The following GRIP1 variants were observed in gnomAD, a reference collection of about 807,000 sequenced individuals.
GRIP1 encodes the protein glutamate receptor-interacting protein 1.
Under a neutral mutation model 129.9 loss-of-function variants are expected in GRIP1, and 45 were observed. That is an observed-to-expected ratio of 0.35 (90% CI 0.27 to 0.44). GRIP1 has a LOEUF of 0.44. Among genes scored for constraint, GRIP1 ranks in the 20% least tolerant of loss-of-function variants. The probability of loss-of-function intolerance (pLI) is 1.00; values close to 1 mark genes in which losing one functional copy is unlikely to be tolerated. For missense variants in GRIP1, 1,196 were observed against 1,396.8 expected, an observed-to-expected ratio of 0.86 and a Z score of 2.29; for synonymous variants, 530 against 520.8, an observed-to-expected ratio of 1.02 and a Z score of -0.24.
chr12:66,937,099 A>G (rs1334575695), intron 1 of GRIP1, among the ~76,000 whole-genome samples: 3 of 152,118 alleles, frequency 2.0e-5, no homozygotes, highest in Non-Finnish European at 4.4e-5. Flanking sequence ...TTGAAGGTAG[A>G]TTTGAGGCCT....
chr12:66,349,853 C>G (rs1480811109), intron 24 of GRIP1, among the ~76,000 whole-genome samples: 2 of 151,970 alleles, frequency 1.3e-5, no homozygotes, highest in Non-Finnish European at 2.9e-5. Flanking sequence ...AGCTTATCCC[C>G]TCTTCAGCTT....
chr12:66,914,435 C>T (rs1420101291), intron 1 of GRIP1, among the ~76,000 whole-genome samples: 2 of 152,190 alleles, frequency 1.3e-5, no homozygotes, highest in African/African-American at 4.8e-5. Context: ...TTTTCTGCTT[C>T]ATTTTGCTAA....
intron 11 of GRIP1, among the ~76,000 whole-genome samples, chr12:66,454,324 G>A (rs746240285): frequency 2.0e-5 from 3 of 152,222 alleles, no homozygotes; most frequent in Non-Finnish European, 4.4e-5. Flanking sequence ...TTTTATTTAA[G>A]TAACTTAAGG....
At chr12:66,695,031 T>G (rs1208553403) in intron 1 of GRIP1, among the ~76,000 whole-genome samples, 1 of 152,220 alleles carries the variant, frequency 6.6e-6, no homozygotes, top group Admixed American at 6.5e-5. Flanking sequence ...CTTTTTAAAA[T>G]AAGGAAGAAA....
chr12:66,807,990 T>C (rs763811363), upstream of GRIP1, among the ~76,000 whole-genome samples: 8 of 151,560 alleles, frequency 5.3e-5, no homozygotes, highest in Non-Finnish European at 1.0e-4. Context: ...TGTATTATAA[T>C]AGCTAACTGT....
chr12:66,832,506 T>G (rs2039536671), intron 1 of GRIP1, among the ~76,000 whole-genome samples: 1 of 148,684 alleles, frequency 6.7e-6, no homozygotes, highest in Non-Finnish European at 1.5e-5. Context: ...AAAACTGGAT[T>G]TTTTGTTTAT....
At chr12:67,041,706 CT>C (rs551111090) in intron 1 of GRIP1, among the ~76,000 whole-genome samples, 2 of 150,288 alleles carry the variant, frequency 1.3e-5, no homozygotes, top group Non-Finnish European at 3.0e-5. Flanking sequence ...AATTTGACAA[CT>C]TTTTTTTGGA....
intron 15 of GRIP1, among the ~76,000 whole-genome samples, chr12:66,419,042 T>A (rs1027988176): frequency 6.6e-6 from 1 of 152,128 alleles, no homozygotes; most frequent in African/African-American, 2.4e-5. Context: ...GCAAGCAACA[T>A]AAGTGTCCAC....
At chr12:66,673,287 C>A (rs1048584070) in intron 1 of GRIP1, among the ~76,000 whole-genome samples, 10 of 152,144 alleles carry the variant, frequency 6.6e-5, no homozygotes, top group African/African-American at 2.4e-4. Flanking sequence ...TAGTACCTGG[C>A]AGAAAGTAAG....
chr12:66,371,234 C>T (rs1273059326), intron 23 of GRIP1, among the ~76,000 whole-genome samples: 1 of 150,174 alleles, frequency 6.7e-6, no homozygotes, highest in African/African-American at 2.5e-5. Context: ...TCTTGGCTCA[C>T]TGCAACCTCT....
At chr12:66,457,941 G>A (rs1020246265) in intron 9 of GRIP1, among the ~76,000 whole-genome samples, 6 of 152,100 alleles carry the variant, frequency 3.9e-5, no homozygotes, top group African/African-American at 7.2e-5. Context: ...AGGCAAATAC[G>A]GTGCTTAGCA....
chr12:66,900,764 C>T (rs921865368), intron 1 of GRIP1, among the ~76,000 whole-genome samples: 5 of 152,180 alleles, frequency 3.3e-5, no homozygotes, highest in Non-Finnish European at 5.9e-5. Context: ...GGACTTCTAC[C>T]TAATCTCATT....
At chr12:67,051,443 G>T (rs991721799) in intron 1 of GRIP1, among the ~76,000 whole-genome samples, 20 of 152,304 alleles carry the variant, frequency 1.3e-4, no homozygotes, top group African/African-American at 4.8e-4. Context: ...CACCCATGTA[G>T]ATTGATACTC....
At chr12:66,540,958 C>CT (rs2061759521) in intron 3 of GRIP1, among the ~76,000 whole-genome samples, 1 of 151,538 alleles carries the variant, frequency 6.6e-6, no homozygotes, top group Admixed American at 6.6e-5. Flanking sequence ...GCCATCACAC[C>CT]TGGCTTTTTT....
Position 66,456,189 on chromosome 12 carries a change from G to A in GRIP1, c.1196C>T (p.Pro399Leu), listed in dbSNP as rs768979622. 12 of 1,287,350 alleles carry A rather than the reference G, an allele frequency of 9.3e-6. No homozygotes were observed. In the South Asian group the frequency reaches 1.5e-4, roughly 16 times the overall value. 79.7% of individuals were successfully genotyped at this position (1,287,350 alleles called of 1,614,324 possible). The change falls in exon 10 of 25, where the codon CCT (proline) becomes CTT (leucine). Residue 399 changes from proline (P) to leucine (L), a missense_variant and splice_region_variant. Transcript: ENST00000359742. ...TFPKAPPPNS[P>L]PALVSSSFSP... Reference sequence around the variant, plus strand: ...GAGGAGAAAGCATGGAACATTACGAGGGCTGTTTGGAGGAGGTGCTTTCGG... The same window carrying A: ...GAGGAGAAAGCATGGAACATTACGAAGGCTGTTTGGAGGAGGTGCTTTCGG...
chr12:66,694,457 AATC>A (rs1353344117), intron 1 of GRIP1, among the ~76,000 whole-genome samples: 1 of 152,208 alleles, frequency 6.6e-6, no homozygotes, highest in Non-Finnish European at 1.5e-5. Flanking sequence ...CAAGGGTTTG[AATC>A]ATGATTCTGA....
At chr12:66,369,511 G>A (rs922847844) in intron 23 of GRIP1, among the ~76,000 whole-genome samples, 3 of 152,012 alleles carry the variant, frequency 2.0e-5, no homozygotes, top group African/African-American at 7.3e-5. Context: ...TTCCTTGGAG[G>A]TAACTGTTTC....
intron 22 of GRIP1, among the ~76,000 whole-genome samples, chr12:66,373,473 C>T (rs1304833729): frequency 6.6e-6 from 1 of 152,164 alleles, no homozygotes; most frequent in African/African-American, 2.4e-5. Context: ...GAGCCGAGGG[C>T]ACTTTATAAA....
intron 7 of GRIP1, among the ~76,000 whole-genome samples, chr12:66,479,934 C>G (rs991364750): frequency 6.6e-6 from 1 of 152,138 alleles, no homozygotes; most frequent in Non-Finnish European, 1.5e-5. Context: ...ATAATAAGAG[C>G]TATTTATGAC....
Sources: allele counts gnomAD v4.1 joint callset (sites outside exome capture counted in the v4.1 genomes callset), GRCh38; gene constraint gnomAD v4.1.1; transcripts MANE v1.5; gene names NCBI Gene and HGNC (gene_info 2026-07-23, HGNC 2026-07-21).